Variants in RIPK1 observed in about 807,000 individuals in gnomAD.
RIPK1 encodes receptor-interacting serine/threonine-protein kinase 1.
In RIPK1, 27 loss-of-function variants were observed where a neutral mutation model predicts 62.4. The observed-to-expected ratio is 0.43, with a 90% CI of 0.32 to 0.60. The LOEUF (loss-of-function observed/expected upper bound fraction) is 0.60. RIPK1 is among the 20% of genes least tolerant of loss of function. The pLI, the probability that RIPK1 is intolerant of heterozygous loss-of-function variation, is 0.07. For synonymous variants in RIPK1, 287 were observed against 303.2 expected (o/e 0.95, Z 0.55); for missense variants, 735 against 831.0 (o/e 0.88, Z 1.42).
At chr6:3,087,711 T>G (rs1015239144) in intron 6 of RIPK1, among the ~76,000 whole-genome samples, 6 of 152,022 alleles carry the variant, frequency 3.9e-5, no homozygotes, top group Non-Finnish European at 8.8e-5. Context: ...GGCTAATTTT[T>G]TGTATTTTTA....
chr6:3,106,160 T>A (rs1760840396), intron 9 of RIPK1, 109 bp downstream of exon 9: 7 of 838,628 alleles, frequency 8.3e-6, no homozygotes, highest in Non-Finnish European at 1.3e-5. Context: ...ACAGAGGGCA[T>A]CATCAGCTGC....
intron 7 of RIPK1, among the ~76,000 whole-genome samples, chr6:3,097,336 G>T (rs1000557451): frequency 6.6e-6 from 1 of 152,184 alleles, no homozygotes; most frequent in East Asian, 1.9e-4. Flanking sequence ...TGCCTTATCA[G>T]ATTCTTGTCA....
upstream of RIPK1, chr6:3,068,077 A>G (rs900790731): frequency 3.1e-6 from 1 of 323,386 alleles, no homozygotes; most frequent in Admixed American, 6.5e-5. Flanking sequence ...TTGATTTTTA[A>G]TATACATGAA....
chr6:3,105,358 G>T lies in RIPK1; in HGVS notation c.1007-124G>T. 1 of 728,250 alleles carries T rather than the reference G, an allele frequency of 1.4e-6. No homozygotes were observed. Among genetic ancestry groups the T allele is most frequent in the Non-Finnish European group, 2.3e-6 (1 of 429,700 alleles). 45.1% of individuals were successfully genotyped at this position (728,250 alleles called of 1,614,324 possible). ...AAGAGGACCATCTCCTAAATGCTTTGGACTGGTCTCGTACTTGTTTTCTGT... is the reference window on the plus strand; with the variant it reads ...AAGAGGACCATCTCCTAAATGCTTTTGACTGGTCTCGTACTTGTTTTCTGT... On this transcript the variant is annotated intron_variant, in intron 8 of 10. Transcript: ENST00000259808. This position sits in a 1 kb window ranked among gnomAD's most constrained non-coding sequence, Gnocchi z 4.5.
At chr6:3,094,886 A>AC (rs1332195770) in intron 7 of RIPK1, among the ~76,000 whole-genome samples, 1 of 151,798 alleles carries the variant, frequency 6.6e-6, no homozygotes, top group Non-Finnish European at 1.5e-5. Flanking sequence ...ACACAGTGAG[A>AC]CCCCATCTCT....
At position 3,105,004 on chromosome 6, in the gene RIPK1, A is replaced by G. The variant is rs1442064058; in HGVS notation, c.1007-478A>G. Among the ~76,000 whole-genome samples the G allele has an allele frequency of 6.6e-6, 1 of 152,134 alleles. No homozygotes were observed. Among genetic ancestry groups the G allele is most frequent in the African/African-American group, 2.4e-5 (1 of 41,420 alleles). ...GCAGCAGGGATTACAGGCATGCACCACCATGCCCGGCTAATTTTTGTATTT... is the reference window on the plus strand; with the variant it reads ...GCAGCAGGGATTACAGGCATGCACCGCCATGCCCGGCTAATTTTTGTATTT... On this transcript the variant is annotated intron_variant, in intron 8 of 10. Coordinates refer to ENST00000259808, the MANE Select transcript of RIPK1 (RefSeq NM_001354930.2). This position sits in a 1 kb window ranked among gnomAD's most constrained non-coding sequence, Gnocchi z 4.5.
At position 3,110,792 on chromosome 6, in the gene RIPK1, T is replaced by A; in HGVS notation, c.1577-11T>A. On this transcript the variant is annotated splice_polypyrimidine_tract_variant and intron_variant, in intron 9 of 10. Coordinates refer to ENST00000259808, the MANE Select transcript of RIPK1 (RefSeq NM_001354930.2). ...CTAGAATTACTTACCTGTGTGTTTCTCTCTATGCAGATGAATCTATAAAAT... is the reference window on the plus strand; with the variant it reads ...CTAGAATTACTTACCTGTGTGTTTCACTCTATGCAGATGAATCTATAAAAT... The A allele has an allele frequency of 6.5e-7, 1 of 1,534,848 alleles. No individual in the cohort carries two copies. The highest frequency in any genetic ancestry group is 2.3e-5 in the East Asian group (1 of 43,994).
chr6:3,074,887 G>A (rs1758968183), intron 1 of RIPK1, among the ~76,000 whole-genome samples: 1 of 152,102 alleles, frequency 6.6e-6, no homozygotes, highest in Non-Finnish European at 1.5e-5. Context: ...TCACCATGTT[G>A]GCCAGGCTGG....
rs1336776856 is a variant in RIPK1, at chr6:3,115,142, G to T, written c.*1803G>T. ...ATAATTAATGTTCAAAGGCAAGAGG[G>T]CAAGGCATTTTTTAACACTTTTTAA... On this transcript the variant is annotated 3_prime_UTR_variant, in exon 11 of 11. Transcript: ENST00000259808. 1 of 152,174 alleles carries T rather than the reference G, an allele frequency of 6.6e-6. No individual in the cohort carries two copies. The highest frequency in any genetic ancestry group is 1.5e-5 in the Non-Finnish European group (1 of 68,044). The allele number at this position is 152,174 out of a possible 1,614,324, so 9.4% of individuals were successfully genotyped here. A position where few individuals can be genotyped will look rare whatever the true frequency, so the allele number is the denominator to read the frequency against.
chr6:3,073,224 CACACATAT>C (rs1191135673), intron 1 of RIPK1, among the ~76,000 whole-genome samples: 1 of 90,692 alleles, frequency 1.1e-5, no homozygotes. Context: ...TGTATATATA[CACACATAT>C]ACATTTTTAT....
chr6:3,089,683 A>G (rs1387427659), intron 7 of RIPK1, 26 bp downstream of exon 7: 1 of 1,198,898 alleles, frequency 8.3e-7, no homozygotes, highest in Admixed American at 2.0e-5. Context: ...GATGCTCAAA[A>G]TATTAACATA....
chr6:3,080,825 G>A (rs907911360), intron 3 of RIPK1, among the ~76,000 whole-genome samples, 154 bp from the exon 4 acceptor site: 1 of 147,152 alleles, frequency 6.8e-6, no homozygotes, highest in African/African-American at 2.5e-5. Flanking sequence ...AATCTTTCTT[G>A]TTTCCCAGTG....
chr6:3,087,777 G>C (rs1218158737), intron 6 of RIPK1, among the ~76,000 whole-genome samples: 34 of 104,238 alleles, frequency 3.3e-4, no homozygotes, highest in Non-Finnish European at 5.8e-4. Context: ...CTGACCTTGT[G>C]ATCAGCCCGC....
chr6:3,073,336 C>G (rs921116333), intron 1 of RIPK1, among the ~76,000 whole-genome samples: 8 of 151,258 alleles, frequency 5.3e-5, no homozygotes, highest in African/African-American at 1.5e-4. Flanking sequence ...TCTCATAATC[C>G]TTACCACTTC....
intron 4 of RIPK1, 138 bp downstream of exon 4, chr6:3,081,254 G>C (rs1002550597): frequency 2.6e-5 from 24 of 940,474 alleles, no homozygotes; most frequent in Non-Finnish European, 2.2e-5. Flanking sequence ...GTGCCGAAAG[G>C]CTCTACCGGT....
At chr6:3,112,131 C>T (rs542583868) in intron 10 of RIPK1, among the ~76,000 whole-genome samples, 9 of 151,994 alleles carry the variant, frequency 5.9e-5, no homozygotes, top group Middle Eastern at 3.4e-3. Context: ...GAGGCAATGT[C>T]GGTCGGCAGT....
At chr6:3,068,416 C>G, upstream of RIPK1, 1 of 985,500 alleles carries the variant, frequency 1.0e-6, no homozygotes, top group Non-Finnish European at 1.2e-6. Flanking sequence ...GGCGCGAGGT[C>G]CCACGAGCGG....
In RIPK1 at chr6:3,090,416, A is replaced by G. The variant is rs74893021; in HGVS notation, c.915+759A>G. 6.6e-3 allele frequency among the ~76,000 whole-genome samples: 1,011 copies of G among 152,346 alleles called. 6 individuals carry two copies. The highest frequency in any genetic ancestry group is 0.023 in the South Asian group (109 of 4,834). ...GAGACTTTAAAATATAATTTAAAAA[A>G]GAGATTAGAATCAGCTAAGATAAAC... On this transcript the variant is annotated intron_variant, in intron 7 of 10. Coordinates refer to ENST00000259808, the MANE Select transcript of RIPK1 (RefSeq NM_001354930.2).
chr6:3,086,007 G>A (rs1263301522), intron 6 of RIPK1, among the ~76,000 whole-genome samples: 2 of 152,176 alleles, frequency 1.3e-5, no homozygotes, highest in Non-Finnish European at 1.5e-5. Context: ...GGGCACTTAG[G>A]TGGCTTTGAC....
Sources: allele counts gnomAD v4.1 joint callset (sites outside exome capture counted in the v4.1 genomes callset), GRCh38; gene constraint gnomAD v4.1.1; non-coding constraint Gnocchi (gnomAD v3.1); transcripts MANE v1.5; gene names NCBI Gene and HGNC (gene_info 2026-07-23, HGNC 2026-07-21).